Variants in CC2D2A observed in about 807,000 individuals in gnomAD.
The protein encoded by CC2D2A is coiled-coil and C2 domain containing 2A, also known as coiled-coil and C2 domain-containing protein 2A.
A neutral mutation model predicts 212.9 loss-of-function variants in CC2D2A; 155 were observed. The observed-to-expected ratio is 0.73, with a 90% CI of 0.64 to 0.83. The LOEUF (loss-of-function observed/expected upper bound fraction) is 0.83, where lower values mean the gene tolerates loss of function less well. Among genes scored for constraint, CC2D2A ranks in the 40% least tolerant of loss-of-function variants. CC2D2A has a pLI of 0.00. For synonymous variants in CC2D2A, 667 were observed against 686.5 expected (o/e 0.97, Z 0.44); for missense variants, 1,856 against 1,956.2 (o/e 0.95, Z 0.97).
intron 12 of CC2D2A, among the ~76,000 whole-genome samples, chr4:15,527,975 T>C (rs1269713756): frequency 6.6e-6 from 1 of 152,160 alleles, no homozygotes; most frequent in African/African-American, 2.4e-5. Context: ...CCTGAGAAAA[T>C]TGGTGGCTTG....
At chr4:15,492,878 C>A in intron 4 of CC2D2A, 1 of 566,514 alleles carries the variant, frequency 1.8e-6, no homozygotes, top group Non-Finnish European at 3.4e-6. Flanking sequence ...CTGTTAAAGT[C>A]GGAGAAGACA....
chr4:15,531,897 G>A (rs887988978), intron 13 of CC2D2A, among the ~76,000 whole-genome samples: 3 of 152,152 alleles, frequency 2.0e-5, no homozygotes, highest in African/African-American at 7.2e-5. Context: ...TAAAGGCATA[G>A]GAGACGAACT....
intron 17 of CC2D2A, among the ~76,000 whole-genome samples, chr4:15,549,369 T>G (rs569830876): frequency 6.6e-6 from 1 of 152,282 alleles, no homozygotes; most frequent in Non-Finnish European, 1.5e-5. Flanking sequence ...CAAAATTAAG[T>G]CTGGGGTCCT....
At chr4:15,568,747 TGCTCCAG>T (rs1720015859) in intron 26 of CC2D2A, among the ~76,000 whole-genome samples, 1 of 152,194 alleles carries the variant, frequency 6.6e-6, no homozygotes, top group Non-Finnish European at 1.5e-5. Context: ...GAGGCACGGT[TGCTCCAG>T]GCTTAGCTAG....
In CC2D2A at chr4:15,537,071, G is replaced by T; in HGVS notation, c.1759G>T (p.Val587Leu). The change falls in exon 15 of 37, where the codon GTG (valine) becomes TTG (leucine). Residue 587 changes from valine (V) to leucine (L), a missense_variant. By Grantham distance (32) the Val-to-Leu change is conservative. This residue lies in a region of CC2D2A where 1,512 missense variants were observed against 1,579.3 expected (regional missense o/e 0.96). Transcript: ENST00000424120. ...ACAACAGTGGAAGGCCTGGAGGAAA[G>T]TGCAAGTGTGTAAACAAACACTCAG... is the stretch of plus-strand genomic sequence containing the variant. ...SLQQWKAWRK[V>L]QRAKKKKRKQ... 6.2e-7 allele frequency: 1 copy of T among 1,613,258 alleles called. No homozygotes were observed. Among genetic ancestry groups the T allele is most frequent in the Non-Finnish European group, 8.5e-7 (1 of 1,179,430 alleles).
chr4:15,556,941 C>T (rs912857822), intron 20 of CC2D2A, among the ~76,000 whole-genome samples: 9 of 152,140 alleles, frequency 5.9e-5, no homozygotes, highest in African/African-American at 2.2e-4. Context: ...GTCATATATT[C>T]GATTTTATAT....
At chr4:15,590,159 G>A (rs374193519) in intron 33 of CC2D2A, among the ~76,000 whole-genome samples, 7 of 152,042 alleles carry the variant, frequency 4.6e-5, no homozygotes, top group South Asian at 2.1e-4. Flanking sequence ...TTCTAGTTGC[G>A]CCAGTTTTGA....
intron 4 of CC2D2A, among the ~76,000 whole-genome samples, chr4:15,500,637 A>G: frequency 6.6e-6 from 1 of 152,206 alleles, no homozygotes; most frequent in Non-Finnish European, 1.5e-5. Context: ...CACATATGGA[A>G]GAAGGCACAA....
chr4:15,525,161 T>C (rs1717438019), intron 11 of CC2D2A, among the ~76,000 whole-genome samples: 1 of 152,106 alleles, frequency 6.6e-6, no homozygotes, highest in Non-Finnish European at 1.5e-5. Context: ...TGGAAGGAGA[T>C]GCAAAGTACA....
intron 14 of CC2D2A, among the ~76,000 whole-genome samples, chr4:15,535,235 A>G (rs1718062394): frequency 6.6e-6 from 1 of 152,100 alleles, no homozygotes; most frequent in Non-Finnish European, 1.5e-5. Flanking sequence ...TGAGCCTCCC[A>G]CAGAAGCAGT....
At chr4:15,471,265 G>A (rs1043023072) in intron 1 of CC2D2A, among the ~76,000 whole-genome samples, 1 of 152,158 alleles carries the variant, frequency 6.6e-6, no homozygotes, top group African/African-American at 2.4e-5. Flanking sequence ...GGGTAGAAGT[G>A]CAGGAGGTTT....
chr4:15,571,371 T>G (rs567564816), intron 28 of CC2D2A, among the ~76,000 whole-genome samples: 1 of 152,310 alleles, frequency 6.6e-6, no homozygotes, highest in Non-Finnish European at 1.5e-5. Context: ...ACTTAGTAGC[T>G]CTAATCTAGG....
chr4:15,470,494 T>G (rs1713652230), intron 1 of CC2D2A, among the ~76,000 whole-genome samples: 1 of 152,128 alleles, frequency 6.6e-6, no homozygotes. Context: ...TCCAAAGACT[T>G]CAAGAAAATG....
At chr4:15,579,938 A>G (rs376375447) in intron 29 of CC2D2A, 30 bp from the exon 30 acceptor site, 540 of 1,561,072 alleles carry the variant, frequency 3.5e-4, no homozygotes, top group Non-Finnish European at 4.2e-4. Context: ...GTAATCATAC[A>G]TAAACTCCAT....
chr4:15,587,963 T>C (rs1271076416), intron 32 of CC2D2A, 34 bp downstream of exon 32: 2 of 1,162,470 alleles, frequency 1.7e-6, no homozygotes, highest in Non-Finnish European at 1.3e-6. Context: ...AACAGAGGAG[T>C]ATAGTTGTCT....
intron 11 of CC2D2A, among the ~76,000 whole-genome samples, chr4:15,518,499 G>A (rs1277095130): frequency 1.3e-5 from 2 of 152,174 alleles, no homozygotes; most frequent in African/African-American, 2.4e-5. Context: ...GGGTCTGGAG[G>A]ACAGTGGCCC....
chr4:15,594,585 C>T (rs914372291), intron 33 of CC2D2A, among the ~76,000 whole-genome samples: 2 of 152,130 alleles, frequency 1.3e-5, no homozygotes, highest in African/African-American at 4.8e-5. Context: ...CACAAAGCCT[C>T]TTAAGGGTAG....
intron 1 of CC2D2A, among the ~76,000 whole-genome samples, chr4:15,474,696 T>G (rs767750752): frequency 6.6e-6 from 1 of 152,178 alleles, no homozygotes; most frequent in Non-Finnish European, 1.5e-5. Context: ...AAATATCTCA[T>G]GTACCCCATA....
chr4:15,500,037 T>C lies in CC2D2A; in HGVS notation c.248-2392T>C, dbSNP rs1206568915. Among the ~76,000 whole-genome samples, 5 of 151,534 alleles carry C rather than the reference T, an allele frequency of 3.3e-5. No individual in the cohort carries two copies. In the South Asian group the frequency reaches 6.3e-4, roughly 19 times the overall value. On this transcript the variant is annotated intron_variant, in intron 4 of 36. Coordinates refer to ENST00000424120, the MANE Select transcript of CC2D2A (RefSeq NM_001378615.1). ...CATAACTGAGTAATTGTGTCATTAT[T>C]ATGGGACCATGATAAAGTGTACTTA...
Sources: gnomAD v4.1 joint callset for allele counts (sites outside exome capture counted in the v4.1 genomes callset) on GRCh38, gnomAD v4.1.1 for gene constraint, gnomAD v4.1.1 regional missense constraint, MANE v1.5 for transcripts, NCBI Gene and HGNC (gene_info 2026-07-23, HGNC 2026-07-21) for gene names.